Variants in MED13 observed in about 807,000 individuals in gnomAD.
The protein encoded by MED13 is mediator of RNA polymerase II transcription subunit 13.
In MED13, 23 loss-of-function variants were observed where a neutral mutation model predicts 225.2. That is an observed-to-expected ratio of 0.10 (90% CI 0.07 to 0.14). The LOEUF (loss-of-function observed/expected upper bound fraction) is 0.14. Among genes scored for constraint, MED13 ranks in the 10% least tolerant of loss-of-function variants. The probability of loss-of-function intolerance (pLI) is 1.00; values close to 1 mark genes in which losing one functional copy is unlikely to be tolerated. For missense variants in MED13, 2,197 were observed against 2,594.5 expected, an observed-to-expected ratio of 0.85 and a Z score of 3.33; for synonymous variants, 942 against 889.2, an observed-to-expected ratio of 1.06 and a Z score of -1.06.
In MED13 at chr17:61,967,989, A is replaced by C. The variant is rs1188634427; in HGVS notation, c.4191+46T>G. ...CAGTATGCTGTATATACAACAATAC[A>C]AATCGTAAGGTAGTTTTAAAATGTC... On this transcript the variant is annotated intron_variant, in intron 18 of 29. Coordinates refer to ENST00000397786, the MANE Select transcript of MED13 (RefSeq NM_005121.3). 6.9e-6 allele frequency: 10 copies of C among 1,449,658 alleles called. No homozygotes were observed. In the East Asian group the frequency reaches 2.3e-4, roughly 33 times the overall value. 89.8% of individuals were successfully genotyped at this position (1,449,658 alleles called of 1,614,324 possible).
chr17:61,964,977 T>G, intron 20 of MED13, 29 bp downstream of exon 20: 1 of 1,577,404 alleles, frequency 6.3e-7, no homozygotes, highest in Non-Finnish European at 8.6e-7. Flanking sequence ...TTTTTATATT[T>G]CTGCAAAAAT....
At chr17:61,987,994 C>G (rs2080263224) in intron 11 of MED13, among the ~76,000 whole-genome samples, 1 of 151,974 alleles carries the variant, frequency 6.6e-6, no homozygotes, top group Admixed American at 6.6e-5. Context: ...CTGCCCACCT[C>G]TGTTTCTGAA....
At chr17:61,980,056 G>A (rs2080190387) in intron 16 of MED13, among the ~76,000 whole-genome samples, 1 of 152,108 alleles carries the variant, frequency 6.6e-6, no homozygotes, top group Non-Finnish European at 1.5e-5. Flanking sequence ...GGGTGTGGTG[G>A]CGTGCACCTG....
At chr17:62,033,234 C>T (rs530086825) in intron 5 of MED13, among the ~76,000 whole-genome samples, 85 of 152,174 alleles carry the variant, frequency 5.6e-4, no homozygotes, top group African/African-American at 2.0e-3. Flanking sequence ...ATGCCAAAGT[C>T]ATAAATTCTT....
In MED13 at chr17:62,031,511, G is replaced by C. The variant is rs1487825229; in HGVS notation, c.942C>G (p.Ser314=). The change falls in exon 6 of 30, where the codon TCC becomes TCG. Residue 314 remains serine (S), a synonymous_variant. Coordinates refer to ENST00000397786, the MANE Select transcript of MED13 (RefSeq NM_005121.3). ...SCLGVHQVPA[S]TRDPAMSSVT... ...CCGAAGACATAGCAGGATCTCTTGT[G>C]GAAGCAGGCACTTGGTGGACACCCA... 1 of 1,613,972 alleles carries C rather than the reference G, an allele frequency of 6.2e-7. No homozygotes were observed. The highest frequency in any genetic ancestry group is 8.5e-7 in the Non-Finnish European group (1 of 1,179,952).
chr17:61,966,480 C>G lies in MED13; in HGVS notation c.4363G>C (p.Val1455Leu). 1 of 1,612,742 alleles carries G rather than the reference C, an allele frequency of 6.2e-7. No homozygotes were observed. The highest frequency in any genetic ancestry group is 1.1e-5 in the South Asian group (1 of 90,928). ...TCAATACCTAGGTCATATCTGCAGA[C>G]TTGTGCATAAAGCTTGAGTTTAGAA... ...AFSKLKLYAQ[V>L]CRYDLGPYLA... The change falls in exon 19 of 30, where the codon GTC (valine) becomes CTC (leucine). Residue 1455 changes from valine to leucine, a missense_variant. Val to Leu is a conservative substitution (Grantham distance 32). Around this residue, in one of 12 missense-constraint regions of MED13, gnomAD observed 457 missense variants for 442.2 expected, o/e 1.03. Coordinates refer to ENST00000397786, the MANE Select transcript of MED13 (RefSeq NM_005121.3).
chr17:62,063,175 C>T lies in MED13; in HGVS notation c.193G>A (p.Val65Ile), dbSNP rs1359667388. The T allele has an allele frequency of 1.2e-6, 2 of 1,614,154 alleles. No homozygotes were observed. The highest frequency in any genetic ancestry group is 2.2e-5 in the East Asian group (1 of 44,878). ...SSFSRCLKAD[V>I]LGVWRRDQRP... Reference sequence around the variant, plus strand: ...TGATCTCGCCGCCAAACACCAAGTACATCTGCCTTAAGGCAGCGACTAAAA... The same window carrying T: ...TGATCTCGCCGCCAAACACCAAGTATATCTGCCTTAAGGCAGCGACTAAAA... Residue 65 changes from valine (V) to isoleucine (I), a missense_variant, in exon 2 of 30, where the codon GTA (valine) becomes ATA (isoleucine). Physicochemically the swap from Val to Ile is conservative, Grantham distance 29. Around this residue, in one of 12 missense-constraint regions of MED13, gnomAD observed 884 missense variants for 918.5 expected, o/e 0.96. Coordinates refer to ENST00000397786, the MANE Select transcript of MED13 (RefSeq NM_005121.3).
At chr17:61,974,502 C>A (rs2080136752) in intron 16 of MED13, among the ~76,000 whole-genome samples, 1 of 151,866 alleles carries the variant, frequency 6.6e-6, no homozygotes, top group Non-Finnish European at 1.5e-5. Flanking sequence ...ACCCCCAGGA[C>A]ACAAGTTTAC....
At chr17:62,055,311 G>A (rs2080987897) in intron 2 of MED13, among the ~76,000 whole-genome samples, 1 of 151,430 alleles carries the variant, frequency 6.6e-6, no homozygotes, top group South Asian at 2.1e-4. Flanking sequence ...AATCACCTGA[G>A]CCCAAGAGAT....
chr17:61,963,202 C>CAAAAAAAAAAAAAAAAAAAA (rs11290002), intron 20 of MED13, among the ~76,000 whole-genome samples: 3 of 55,770 alleles, frequency 5.4e-5, no homozygotes, highest in Non-Finnish European at 9.1e-5. Context: ...TTAAATTTAC[C>CAAAAAAAAAAAAAAAAAAAA]AAAAAAAAAA....
rs925249026 is a variant in MED13 at position 62,031,587 on chromosome 17, T to A, written c.866A>T (p.Asp289Val). Reference sequence around the variant, plus strand: ...TCCCACAGGGCTAGGAGTAGGAATGTCTGACTGAGGGACTAGAACAAAGCA... The same window carrying A: ...TCCCACAGGGCTAGGAGTAGGAATGACTGACTGAGGGACTAGAACAAAGCA... Reference protein sequence around the residue: ...PACFVLVPQSDIPTPSPVGST... With the variant: ...PACFVLVPQSVIPTPSPVGST... The change falls in exon 6 of 30, where the codon GAC becomes GTC. Residue 289 changes from aspartate to valine, a missense_variant. By Grantham distance (152) the Asp-to-Val change is radical (BLOSUM62 -3). This residue lies in a region of MED13 where 884 missense variants were observed against 918.5 expected (regional missense o/e 0.96). Coordinates refer to ENST00000397786, the MANE Select transcript of MED13 (RefSeq NM_005121.3). 2 of 1,613,030 alleles carry A rather than the reference T, an allele frequency of 1.2e-6. No homozygotes were observed. The highest frequency in any genetic ancestry group is 1.7e-5 in the Admixed American group (1 of 59,850).
intron 9 of MED13, chr17:62,004,301 G>A (rs917787636): frequency 1.3e-5 from 2 of 152,018 alleles, no homozygotes; most frequent in Non-Finnish European, 2.9e-5. Flanking sequence ...ATTCTAATAG[G>A]GAAAAGACCA....
chr17:62,010,731 G>A lies in MED13; in HGVS notation c.1786C>T (p.Pro596Ser), dbSNP rs529282192. The change falls in exon 9 of 30, where the codon CCT becomes TCT. Residue 596 changes from proline (P) to serine (S), a missense_variant. Pro to Ser is a moderately conservative substitution (Grantham distance 74). Transcript: ENST00000397786. The stretch of plus-strand genomic sequence containing the variant: ...ACTGCTGTACCAACATATACTGTAG[G>A]TTCTACAGCTTCCTGATATTGAGGT... The part of the protein sequence containing the change: ...FPPQYQEAVE[P>S]TVYVGTAVNL... 1.9e-6 allele frequency: 3 copies of A among 1,613,196 alleles called. No homozygotes were observed. Among genetic ancestry groups the A allele is most frequent in the Non-Finnish European group, 2.5e-6 (3 of 1,179,554 alleles).
chr17:61,946,434 TG>T lies in MED13; in HGVS notation c.*33del, dbSNP rs143813799. The stretch of plus-strand genomic sequence containing the variant: ...CTGCAGCGAAACATCCATTTTTCCT[TG>T]TTCTTTTCTTGCACAGTTCCATCAA... On this transcript the variant is annotated 3_prime_UTR_variant, in exon 30 of 30. Coordinates refer to ENST00000397786, the MANE Select transcript of MED13 (RefSeq NM_005121.3). 27,623 of 1,601,080 alleles carry T rather than the reference TG, an allele frequency of 0.017. 310 individuals are homozygous for T. Among genetic ancestry groups the T allele is most frequent in the Non-Finnish European group, 0.019 (22,522 of 1,172,608 alleles).
chr17:62,048,545 G>A (rs1474840581), intron 3 of MED13, among the ~76,000 whole-genome samples: 1 of 151,978 alleles, frequency 6.6e-6, no homozygotes, highest in African/African-American at 2.4e-5. Flanking sequence ...GAGGGACTCA[G>A]AATTAGAGAT....
chr17:61,975,505 T>G (rs116494887), intron 16 of MED13, among the ~76,000 whole-genome samples: 1,995 of 152,274 alleles, frequency 0.013, 42 homozygotes, highest in African/African-American at 0.045. Flanking sequence ...CATATATTGC[T>G]GGTAGTTATG....
chr17:61,957,602 C>T (rs1324564491), intron 23 of MED13, among the ~76,000 whole-genome samples: 3 of 152,104 alleles, frequency 2.0e-5, no homozygotes, highest in East Asian at 3.9e-4. Flanking sequence ...CCCGCCTTGG[C>T]CTCACAAAGT....
chr17:61,973,451 C>G (rs536919044), intron 16 of MED13, among the ~76,000 whole-genome samples: 2 of 151,982 alleles, frequency 1.3e-5, no homozygotes, highest in South Asian at 4.1e-4. Context: ...TATAAATTAT[C>G]AAATTATGAC....
chr17:61,974,562 T>TA (rs550656130), intron 16 of MED13, among the ~76,000 whole-genome samples: 299 of 150,298 alleles, frequency 2.0e-3, no homozygotes, highest in Non-Finnish European at 1.2e-3. Flanking sequence ...ACCTAAAAGT[T>TA]AAAAAAAAAG....
Sources: allele counts gnomAD v4.1 joint callset (sites outside exome capture counted in the v4.1 genomes callset), GRCh38; gene constraint gnomAD v4.1.1; regional missense constraint gnomAD v4.1.1; transcripts MANE v1.5; gene names NCBI Gene and HGNC (gene_info 2026-07-23, HGNC 2026-07-21).